KCNK2: variants seen among roughly 807,000 people sequenced by gnomAD.
KCNK2 encodes potassium two pore domain channel subfamily K member 2.
In KCNK2, 21 loss-of-function variants were observed where a neutral mutation model predicts 40.5. The observed-to-expected ratio is 0.52, with a 90% CI of 0.37 to 0.75. KCNK2 has a LOEUF of 0.75. KCNK2 is among the 30% of genes least tolerant of loss of function. The probability of loss-of-function intolerance (pLI) is 0.00; values close to 1 mark genes in which losing one functional copy is unlikely to be tolerated. For missense variants in KCNK2, 399 were observed against 531.6 expected (o/e 0.75, Z 2.45); for synonymous variants, 191 against 202.2 (o/e 0.94, Z 0.47).
At chr1:215,195,717 A>G (rs1664836566) in intron 6 of KCNK2, among the ~76,000 whole-genome samples, 1 of 152,306 alleles carries the variant, frequency 6.6e-6, no homozygotes, top group African/African-American at 2.4e-5. Flanking sequence ...TTTGAAATTT[A>G]AATATTGATT....
chr1:215,165,254 A>G (rs1337774761), intron 3 of KCNK2, among the ~76,000 whole-genome samples: 1 of 152,110 alleles, frequency 6.6e-6, no homozygotes, highest in African/African-American at 2.4e-5. Context: ...AATCATTCAC[A>G]TAGTTGGAAT....
intron 2 of KCNK2, among the ~76,000 whole-genome samples, chr1:215,117,631 A>G (rs1661005295): frequency 6.6e-6 from 1 of 152,160 alleles, no homozygotes; most frequent in Admixed American, 6.6e-5. Context: ...GCAATTTTAT[A>G]TGCTTCAGCC....
intron 6 of KCNK2, among the ~76,000 whole-genome samples, chr1:215,201,037 G>A (rs370240974): frequency 6.6e-6 from 1 of 152,136 alleles, no homozygotes; most frequent in Non-Finnish European, 1.5e-5. Flanking sequence ...GAATATAGAC[G>A]AATTCACCTA....
chr1:215,061,679 C>A (rs1159299898), intron 1 of KCNK2, among the ~76,000 whole-genome samples: 5 of 151,930 alleles, frequency 3.3e-5, no homozygotes, highest in African/African-American at 1.2e-4. Context: ...ACTCTTGGGG[C>A]CTTCATATAA....
chr1:215,021,939 G>C (rs1015209754), intron 1 of KCNK2, among the ~76,000 whole-genome samples: 1 of 152,058 alleles, frequency 6.6e-6, no homozygotes, highest in African/African-American at 2.4e-5. Context: ...CAGTTTCTTA[G>C]GCCTCAGCCT....
chr1:215,113,815 T>C (rs1232125716), intron 2 of KCNK2, among the ~76,000 whole-genome samples: 2 of 152,124 alleles, frequency 1.3e-5, no homozygotes, highest in African/African-American at 2.4e-5. Context: ...ATGCTGGTCT[T>C]GAACACCTGG....
intron 6 of KCNK2, among the ~76,000 whole-genome samples, chr1:215,222,727 T>G (rs1343862938): frequency 8.0e-6 from 1 of 124,806 alleles, no homozygotes; most frequent in African/African-American, 3.4e-5. Flanking sequence ...TAAATAATCC[T>G]TTTAGGCTTT....
At chr1:215,046,382 A>G (rs528513737) in intron 1 of KCNK2, among the ~76,000 whole-genome samples, 3 of 152,216 alleles carry the variant, frequency 2.0e-5, no homozygotes, top group Admixed American at 2.0e-4. Flanking sequence ...AACATTTTCC[A>G]GGTGTTGTGA....
intron 1 of KCNK2, among the ~76,000 whole-genome samples, chr1:215,042,105 C>T (rs1238423067): frequency 2.0e-5 from 3 of 152,158 alleles, no homozygotes; most frequent in Admixed American, 6.5e-5. Flanking sequence ...TTACCTCCCA[C>T]GGGTTCCCTC....
At chr1:215,076,783 C>T (rs1658955838) in intron 1 of KCNK2, among the ~76,000 whole-genome samples, 3 of 152,146 alleles carry the variant, frequency 2.0e-5, no homozygotes, top group African/African-American at 7.2e-5. Context: ...CGGGGGTCAA[C>T]TTAGGGACCC....
At position 215,171,771 on chromosome 1, in the gene KCNK2, T is replaced by C. The variant is rs532821600; in HGVS notation, c.637-226T>C. Reference sequence around the variant, plus strand: ...AGCATCATTGTTAGCATTGATTGATTTATTGATGATACCTAATTTTCATAA... The same window carrying C: ...AGCATCATTGTTAGCATTGATTGATCTATTGATGATACCTAATTTTCATAA... On this transcript the variant is annotated intron_variant, in intron 4 of 6. Transcript: ENST00000444842. Among the ~76,000 whole-genome samples, 3 of 152,250 alleles carry C rather than the reference T, an allele frequency of 2.0e-5. No individual in the cohort carries two copies. In the East Asian group the frequency reaches 5.8e-4, roughly 29 times the overall value.
upstream of KCNK2, among the ~76,000 whole-genome samples, chr1:215,081,100 C>G (rs1012772407): frequency 6.6e-6 from 1 of 152,116 alleles, no homozygotes; most frequent in East Asian, 1.9e-4. Flanking sequence ...GAGGGACCTT[C>G]CAGCCCCCAT....
intron 5 of KCNK2, among the ~76,000 whole-genome samples, chr1:215,192,028 C>G (rs1381452121): frequency 6.6e-6 from 1 of 152,130 alleles, no homozygotes; most frequent in Non-Finnish European, 1.5e-5. Flanking sequence ...CATAGCTAGA[C>G]TGAAATTAAT....
chr1:215,054,280 T>C (rs981270452), intron 1 of KCNK2, among the ~76,000 whole-genome samples: 2 of 152,148 alleles, frequency 1.3e-5, no homozygotes, highest in African/African-American at 4.8e-5. Context: ...TTTGAGTCTT[T>C]CTCCACCAAG....
At chr1:215,229,472 T>C (rs1020381615) in intron 6 of KCNK2, among the ~76,000 whole-genome samples, 1 of 152,080 alleles carries the variant, frequency 6.6e-6, no homozygotes, top group Non-Finnish European at 1.5e-5. Context: ...GAGACCAGCC[T>C]GGGCAACCTC....
intron 1 of KCNK2, among the ~76,000 whole-genome samples, chr1:215,065,187 C>A (rs181992536): frequency 1.3e-5 from 2 of 152,142 alleles, no homozygotes; most frequent in Admixed American, 1.3e-4. Flanking sequence ...GAAAATGGAA[C>A]AAGATTTTTA....
At chr1:215,098,205 G>C (rs1371336704) in intron 2 of KCNK2, among the ~76,000 whole-genome samples, 1 of 99,494 alleles carries the variant, frequency 1.0e-5, no homozygotes, top group Admixed American at 9.9e-5. Flanking sequence ...AAAACTGTGG[G>C]CAGTATTCCA....
intron 2 of KCNK2, among the ~76,000 whole-genome samples, chr1:215,121,260 C>G (rs1661178145): frequency 6.6e-6 from 1 of 152,076 alleles, no homozygotes; most frequent in Non-Finnish European, 1.5e-5. Flanking sequence ...TCAAGACCCC[C>G]TCAGAGGTTT....
intron 3 of KCNK2, among the ~76,000 whole-genome samples, chr1:215,128,131 A>G (rs1320966145): frequency 6.6e-6 from 1 of 152,206 alleles, no homozygotes; most frequent in Non-Finnish European, 1.5e-5. Context: ...TTGGGTGGGT[A>G]GGTGAGTGAG....
Sources: gnomAD v4.1 joint callset for allele counts (sites outside exome capture counted in the v4.1 genomes callset) on GRCh38, gnomAD v4.1.1 for gene constraint, MANE v1.5 for transcripts, NCBI Gene and HGNC (gene_info 2026-07-23, HGNC 2026-07-21) for gene names.